Variants in IL23R observed in about 807,000 individuals in gnomAD.
IL23R encodes the protein interleukin 23 receptor.
Under a neutral mutation model 56.9 loss-of-function variants are expected in IL23R, and 34 were observed. The ratio of observed to expected loss-of-function variants is 0.60; its 90% confidence interval spans 0.45 to 0.80. The LOEUF is 0.80. Among genes scored for constraint, IL23R ranks in the 30% least tolerant of loss-of-function variants. The probability of loss-of-function intolerance (pLI) is 0.00; values close to 1 mark genes in which losing one functional copy is unlikely to be tolerated. For missense variants in IL23R, 635 were observed against 730.0 expected (o/e 0.87, Z 1.50); for synonymous variants, 230 against 249.2 (o/e 0.92, Z 0.73).
chr1:67,212,175 C>T (rs1159775152), intron 6 of IL23R, among the ~76,000 whole-genome samples: 1 of 152,196 alleles, frequency 6.6e-6, no homozygotes, highest in African/African-American at 2.4e-5. Context: ...CAATCTACCA[C>T]GTTTCCTTTA....
intron 1 of IL23R, among the ~76,000 whole-genome samples, chr1:67,154,451 T>A (rs1355123109): frequency 6.6e-6 from 1 of 152,184 alleles, no homozygotes; most frequent in Admixed American, 6.5e-5. Flanking sequence ...CTATATTGGG[T>A]GCATATATAT....
At chr1:67,196,972 C>A (rs1471992734) in intron 4 of IL23R, among the ~76,000 whole-genome samples, 1 of 152,152 alleles carries the variant, frequency 6.6e-6, no homozygotes, top group Non-Finnish European at 1.5e-5. Context: ...GTCAGACATC[C>A]AAATGAAGCT....
rs527823414 is a variant in IL23R, at chr1:67,205,973, T to G, written c.653-937T>G. ...TTTTTCTTTCTTTCTTTCTTGCTCT[T>G]TCTGTCTCTTCCTTTCTTTCTCTTT... On this transcript the variant is annotated intron_variant, in intron 5 of 10. Transcript: ENST00000347310. Among the ~76,000 whole-genome samples, 29 of 151,330 alleles carry G rather than the reference T, an allele frequency of 1.9e-4. No homozygotes were observed. In the South Asian group the frequency reaches 3.1e-3, roughly 16 times the overall value.
At chr1:67,183,329 G>A (rs947159976) in intron 4 of IL23R, among the ~76,000 whole-genome samples, 4 of 152,214 alleles carry the variant, frequency 2.6e-5, no homozygotes, top group Non-Finnish European at 5.9e-5. Flanking sequence ...GAGGTCAGGA[G>A]TTTGAGACCA....
intron 1 of IL23R, among the ~76,000 whole-genome samples, chr1:67,148,882 C>T (rs538889926): frequency 2.6e-5 from 4 of 152,118 alleles, no homozygotes; most frequent in Non-Finnish European, 5.9e-5. Flanking sequence ...AGCTTAGGGG[C>T]CCAGGAGGAG....
chr1:67,142,487 G>A (rs1427386398), intron 1 of IL23R, among the ~76,000 whole-genome samples: 1 of 152,216 alleles, frequency 6.6e-6, no homozygotes, highest in African/African-American at 2.4e-5. Context: ...GTGTTATGCA[G>A]AGCTGAAGCC....
intron 6 of IL23R, among the ~76,000 whole-genome samples, chr1:67,217,125 G>A (rs1649895124): frequency 6.6e-6 from 1 of 152,096 alleles, no homozygotes; most frequent in Admixed American, 6.6e-5. Context: ...ATGTTCCCAG[G>A]AACTTATATT....
At chr1:67,178,393 G>A (rs1015097496) in intron 3 of IL23R, among the ~76,000 whole-genome samples, 5 of 152,156 alleles carry the variant, frequency 3.3e-5, no homozygotes, top group East Asian at 1.9e-4. Flanking sequence ...GTGAATGGGA[G>A]TTCACTTTTG....
At chr1:67,232,162 T>A (rs1651141220) in intron 7 of IL23R, among the ~76,000 whole-genome samples, 2 of 152,228 alleles carry the variant, frequency 1.3e-5, no homozygotes, top group Admixed American at 1.3e-4. Flanking sequence ...TAAAATTGTA[T>A]TATCTTCTCC....
intron 2 of IL23R, 29 bp downstream of exon 2, chr1:67,168,219 C>T: frequency 6.9e-7 from 1 of 1,443,358 alleles, no homozygotes; most frequent in Non-Finnish European, 9.8e-7. Flanking sequence ...CTATTGCTAT[C>T]TTTCATTCAA....
intron 7 of IL23R, among the ~76,000 whole-genome samples, chr1:67,221,860 C>T (rs568081935): frequency 2.6e-4 from 40 of 152,226 alleles, no homozygotes; most frequent in Non-Finnish European, 5.0e-4. Context: ...TCTGGTATCT[C>T]CTACTGCCCA....
intron 3 of IL23R, among the ~76,000 whole-genome samples, chr1:67,174,540 C>A (rs1646984275): frequency 6.6e-6 from 1 of 151,804 alleles, no homozygotes; most frequent in Non-Finnish European, 1.5e-5. Context: ...TCTTTATGAG[C>A]CCCTATCCTT....
rs368811377 is a variant in IL23R at position 67,169,508 on chromosome 1, G to A, written c.237G>A (p.Arg79=). 2.5e-6 allele frequency: 4 copies of A among 1,613,888 alleles called. No individual in the cohort carries two copies. In the African/African-American group the frequency reaches 5.3e-5, roughly 22 times the overall value. Residue 79 remains arginine (R), a synonymous_variant, in exon 3 of 11, where the codon AGG becomes AGA. Coordinates refer to ENST00000347310, the MANE Select transcript of IL23R (RefSeq NM_144701.3). The part of the protein sequence containing the change: ...NGIKERFQIT[R]INKTTARLWY... ...TCAAAGAAAGATTTCAAATCACAAG[G>A]ATTAATAAAACAACAGCTCGGCTTT...
intron 8 of IL23R, among the ~76,000 whole-genome samples, 199 bp downstream of exon 8, chr1:67,237,001 G>A (rs551134436): frequency 3.9e-5 from 6 of 152,046 alleles, no homozygotes; most frequent in South Asian, 2.1e-4. Context: ...GGATTTTGCC[G>A]GCTTTTGCAA....
chr1:67,234,806 C>G (rs1432253587), intron 7 of IL23R, among the ~76,000 whole-genome samples: 1 of 142,410 alleles, frequency 7.0e-6, no homozygotes, highest in African/African-American at 2.6e-5. Context: ...CTCCTGGGTT[C>G]AAGTGATTCT....
At chr1:67,190,990 T>C (rs1205891516) in intron 4 of IL23R, among the ~76,000 whole-genome samples, 2 of 152,236 alleles carry the variant, frequency 1.3e-5, no homozygotes, top group Non-Finnish European at 2.9e-5. Flanking sequence ...CCTTTAGGAC[T>C]CAAAATGTAG....
At chr1:67,202,611 A>G (rs1484921711) in intron 5 of IL23R, among the ~76,000 whole-genome samples, 1 of 152,180 alleles carries the variant, frequency 6.6e-6, no homozygotes, top group African/African-American at 2.4e-5. Context: ...ATATATTAGA[A>G]AACTGAGGTT....
intron 5 of IL23R, 121 bp downstream of exon 5, chr1:67,201,018 A>G (rs1484424570): frequency 2.0e-6 from 2 of 996,336 alleles, no homozygotes; most frequent in African/African-American, 3.3e-5. Context: ...TAAAAGAAAC[A>G]GAAATTACCC....
chr1:67,224,154 G>A (rs1650472774), intron 7 of IL23R, among the ~76,000 whole-genome samples: 1 of 152,040 alleles, frequency 6.6e-6, no homozygotes, highest in Admixed American at 6.6e-5. Context: ...AAGACACACA[G>A]TAAAAATCAA....
Sources: gnomAD v4.1 joint callset for allele counts (sites outside exome capture counted in the v4.1 genomes callset) on GRCh38, gnomAD v4.1.1 for gene constraint, MANE v1.5 for transcripts, NCBI Gene and HGNC (gene_info 2026-07-23, HGNC 2026-07-21) for gene names.